Variants in LRRC7 observed in about 807,000 individuals in gnomAD.
LRRC7 encodes the protein leucine rich repeat containing 7.
LRRC7 carries 23 observed loss-of-function variants against 175.7 expected under a neutral mutation model. The observed-to-expected ratio is 0.13, with a 90% CI of 0.09 to 0.19. The LOEUF is 0.19. LRRC7 is among the 10% of genes least tolerant of loss of function. The pLI is 1.00. For missense variants in LRRC7, 1,354 were observed against 1,904.7 expected (o/e 0.71, Z 5.38); for synonymous variants, 685 against 680.9 (o/e 1.01, Z -0.09).
At chr1:70,068,650 G>A (rs773391443) in intron 23 of LRRC7, among the ~76,000 whole-genome samples, 153 of 151,792 alleles carry the variant, frequency 1.0e-3, no homozygotes, top group African/African-American at 3.3e-3. Context: ...GGTAATATTC[G>A]TTTCATAAAA....
chr1:69,791,995 T>A (rs777833138), intron 3 of LRRC7, 48 bp from the exon 4 acceptor site: 1 of 1,231,914 alleles, frequency 8.1e-7, no homozygotes, highest in Non-Finnish European at 1.2e-6. Context: ...AGTTTATGAA[T>A]GAATTTAACC....
chr1:69,931,931 T>G (rs1647425996), intron 8 of LRRC7, among the ~76,000 whole-genome samples: 1 of 152,172 alleles, frequency 6.6e-6, no homozygotes, highest in Admixed American at 6.5e-5. Flanking sequence ...AACCCAGACT[T>G]GATTAAATGC....
chr1:69,827,433 G>A (rs1310140203), intron 5 of LRRC7, among the ~76,000 whole-genome samples: 1 of 151,924 alleles, frequency 6.6e-6, no homozygotes, highest in Non-Finnish European at 1.5e-5. Context: ...ACCTATTTCA[G>A]CAAAAATGCA....
intron 1 of LRRC7, among the ~76,000 whole-genome samples, chr1:69,586,982 T>C (rs1021473684): frequency 6.6e-5 from 10 of 152,252 alleles, no homozygotes; most frequent in South Asian, 2.1e-4. Flanking sequence ...AATAATGACA[T>C]TTGTAGAGGT....
chr1:69,658,933 C>CA (rs1657037826), intron 1 of LRRC7, among the ~76,000 whole-genome samples: 1 of 151,794 alleles, frequency 6.6e-6, no homozygotes, highest in Non-Finnish European at 1.5e-5. Flanking sequence ...TTAGCAACAG[C>CA]AAAAAGCCAT....
chr1:70,023,646 CTTTAA>C (rs1264675622), intron 17 of LRRC7, among the ~76,000 whole-genome samples: 3 of 149,320 alleles, frequency 2.0e-5, no homozygotes, highest in African/African-American at 4.9e-5. Context: ...TTTTTTTTTT[CTTTAA>C]TTTAAAGTGT....
chr1:69,675,593 G>A (rs779763610), intron 1 of LRRC7, among the ~76,000 whole-genome samples: 1 of 152,112 alleles, frequency 6.6e-6, no homozygotes, highest in Non-Finnish European at 1.5e-5. Flanking sequence ...GTAAATACTA[G>A]TGAATAATTA....
At chr1:70,068,677 CTT>C (rs1350969502) in intron 23 of LRRC7, among the ~76,000 whole-genome samples, 1 of 151,888 alleles carries the variant, frequency 6.6e-6, no homozygotes, top group Non-Finnish European at 1.5e-5. Context: ...AGTATTCTCT[CTT>C]CTGTTTTCTG....
At chr1:70,104,138 A>G (rs1319274199) in intron 25 of LRRC7, among the ~76,000 whole-genome samples, 2 of 152,214 alleles carry the variant, frequency 1.3e-5, no homozygotes, top group Admixed American at 1.3e-4. Flanking sequence ...GCTTTTCACC[A>G]AACAGTAGGA....
chr1:69,712,249 C>G (rs1165217605), intron 2 of LRRC7, among the ~76,000 whole-genome samples: 26 of 151,892 alleles, frequency 1.7e-4, no homozygotes, highest in Non-Finnish European at 4.4e-5. Flanking sequence ...CACACACACA[C>G]ACACACACAC....
intron 18 of LRRC7, among the ~76,000 whole-genome samples, chr1:70,035,050 GTCC>G (rs1442419310): frequency 6.6e-6 from 1 of 151,908 alleles, no homozygotes; most frequent in Non-Finnish European, 1.5e-5. Context: ...CAATATTTTT[GTCC>G]TCAAGTATAT....
chr1:69,718,119 A>AAC (rs1665861973), intron 2 of LRRC7, among the ~76,000 whole-genome samples: 1 of 79,752 alleles, frequency 1.3e-5, no homozygotes, highest in Non-Finnish European at 2.4e-5. Flanking sequence ...AAAAGAAAGA[A>AAC]AGAAAGAAAA....
chr1:70,102,401 A>G (rs1664862371), intron 25 of LRRC7, among the ~76,000 whole-genome samples: 1 of 152,218 alleles, frequency 6.6e-6, no homozygotes, highest in Non-Finnish European at 1.5e-5. Context: ...TTGTCCTTTC[A>G]ATATACTCTA....
chr1:70,047,896 C>T (rs7511650), intron 22 of LRRC7, among the ~76,000 whole-genome samples: 11,436 of 151,852 alleles, frequency 0.075, 540 homozygotes, highest in South Asian at 0.18. Flanking sequence ...TTTAGTAATA[C>T]TTAGGAACCA....
intron 4 of LRRC7, among the ~76,000 whole-genome samples, chr1:69,799,286 C>A (rs1676182162): frequency 6.6e-6 from 1 of 151,912 alleles, no homozygotes; most frequent in South Asian, 2.1e-4. Context: ...AAATTCTGGG[C>A]TTTTAGTATA....
At chr1:69,833,063 C>T (rs1680707843) in intron 5 of LRRC7, among the ~76,000 whole-genome samples, 1 of 151,242 alleles carries the variant, frequency 6.6e-6, no homozygotes, top group Non-Finnish European at 1.5e-5. Flanking sequence ...CGAGATTGCA[C>T]CATTGCACTC....
intron 1 of LRRC7, among the ~76,000 whole-genome samples, chr1:69,657,143 G>C: frequency 6.6e-6 from 1 of 151,016 alleles, no homozygotes; most frequent in East Asian, 1.9e-4. Context: ...TGTGTTACTG[G>C]TTACTGACCT....
intron 5 of LRRC7, among the ~76,000 whole-genome samples, chr1:69,833,799 T>G (rs1158430808): frequency 1.3e-5 from 2 of 151,962 alleles, no homozygotes; most frequent in Admixed American, 6.6e-5. Flanking sequence ...GCATTTTCAG[T>G]AACAGAATTG....
At chr1:69,701,053 G>C (rs1325188107) in intron 2 of LRRC7, among the ~76,000 whole-genome samples, 2 of 152,122 alleles carry the variant, frequency 1.3e-5, no homozygotes, top group African/African-American at 4.8e-5. Flanking sequence ...GAAACTACAA[G>C]TGATTGCATT....
Sources: allele counts gnomAD v4.1 joint callset (sites outside exome capture counted in the v4.1 genomes callset), GRCh38; gene constraint gnomAD v4.1.1; transcripts MANE v1.5; gene names NCBI Gene and HGNC (gene_info 2026-07-23, HGNC 2026-07-21).